SEC22C: variants seen among roughly 807,000 people sequenced by gnomAD.
The protein encoded by SEC22C is SEC22 homolog C, vesicle trafficking protein, also known as vesicle-trafficking protein SEC22c.
A neutral mutation model predicts 34.7 loss-of-function variants in SEC22C; 29 were observed. The observed-to-expected ratio is 0.84, with a 90% confidence interval of 0.62 to 1.14. The LOEUF (loss-of-function observed/expected upper bound fraction) is 1.14. Among genes scored for constraint, SEC22C ranks in the 50% most tolerant of loss-of-function variants. SEC22C has a pLI of 0.00. For missense variants in SEC22C, 337 were observed against 369.0 expected, an observed-to-expected ratio of 0.91 and a Z score of 0.71; for synonymous variants, 117 against 132.8, an observed-to-expected ratio of 0.88 and a Z score of 0.82.
In SEC22C at chr3:42,553,160, A is replaced by G. The variant is rs1702327993; in HGVS notation, c.*88T>C. On this transcript the variant is annotated 3_prime_UTR_variant, in exon 7 of 7. Transcript: ENST00000264454. ...GTCCAGTTGGCTGAAAAGGATGGAA[A>G]CTGGAGTGTAAAGTAGAGAAGCAGA... 1.3e-6 allele frequency: 2 copies of G among 1,543,274 alleles called. No individual in the cohort carries two copies. The highest frequency in any genetic ancestry group is 1.7e-6 in the Non-Finnish European group (2 of 1,151,646).
chr3:42,573,610 G>C (rs906052268), intron 1 of SEC22C: 1 of 152,210 alleles, frequency 6.6e-6, no homozygotes, highest in Non-Finnish European at 1.5e-5. Context: ...AAGGCAAGAG[G>C]ATCACCTGAG....
chr3:42,592,800 T>C (rs1196508241), intron 1 of SEC22C, among the ~76,000 whole-genome samples: 1 of 151,894 alleles, frequency 6.6e-6, no homozygotes, highest in Admixed American at 6.6e-5. Flanking sequence ...CCTAGTGGGG[T>C]TTTTCAATTG....
At chr3:42,553,527 C>T (rs1229519832) in intron 6 of SEC22C, 79 bp from the exon 7 acceptor site, 4 of 1,535,178 alleles carry the variant, frequency 2.6e-6, no homozygotes, top group South Asian at 1.2e-5. Context: ...CCTCCCACAG[C>T]TTCCATGAAG....
rs766383438 is a variant in SEC22C, at chr3:42,551,858, T to C, written c.*1390A>G. 420 of 982,900 alleles carry C rather than the reference T, an allele frequency of 4.3e-4. No homozygotes were observed. The highest frequency in any genetic ancestry group is 4.9e-4 in the Non-Finnish European group (408 of 827,642). The allele number at this position is 982,900 out of a possible 1,614,324, so 60.9% of individuals were successfully genotyped here. A position where few individuals can be genotyped will look rare whatever the true frequency, so the allele number is the denominator to read the frequency against. ...ACATTCCCTATCCACTCAACTCTTGTAATGGTTTTCCACTTTTAAAAACTA... is the reference window on the plus strand; with the variant it reads ...ACATTCCCTATCCACTCAACTCTTGCAATGGTTTTCCACTTTTAAAAACTA... On this transcript the variant is annotated 3_prime_UTR_variant, in exon 7 of 7. Transcript: ENST00000264454.
At chr3:42,570,756 A>G (rs1703568993) in intron 1 of SEC22C, among the ~76,000 whole-genome samples, 1 of 152,196 alleles carries the variant, frequency 6.6e-6, no homozygotes, top group Non-Finnish European at 1.5e-5. Flanking sequence ...CTTTTGTTCT[A>G]TCTTCTATAC....
At chr3:42,590,558 C>G (rs1704783989) in intron 1 of SEC22C, among the ~76,000 whole-genome samples, 1 of 151,958 alleles carries the variant, frequency 6.6e-6, no homozygotes, top group South Asian at 2.1e-4. Flanking sequence ...TGCACTCCAG[C>G]CTGGGCGACA....
chr3:42,572,933 T>C (rs1234072734), intron 1 of SEC22C, among the ~76,000 whole-genome samples: 1 of 152,232 alleles, frequency 6.6e-6, no homozygotes, highest in African/African-American at 2.4e-5. Flanking sequence ...AGTGCAATCA[T>C]GGCTCACTGC....
At chr3:42,591,254 C>T (rs1227522012) in intron 1 of SEC22C, 1 of 566,892 alleles carries the variant, frequency 1.8e-6, no homozygotes, top group Non-Finnish European at 3.1e-6. Context: ...GGCTGGAGTG[C>T]AGTGGTGCAT....
rs990407583 is a variant in SEC22C, at chr3:42,549,302, G to A, written c.*3946C>T. On this transcript the variant is annotated 3_prime_UTR_variant, in exon 7 of 7. Coordinates refer to ENST00000264454, the MANE Select transcript of SEC22C (RefSeq NM_032970.4). ...TCCTCACTTGTGCTGCACTATGCAA[G>A]CAAGCAGCAGGTTCTCAGAAGGCCA... is the stretch of plus-strand genomic sequence containing the variant. The A allele has an allele frequency of 6.1e-6, 6 of 985,696 alleles. No individual in the cohort carries two copies. Among genetic ancestry groups the A allele is most frequent in the Admixed American group, 6.1e-5 (1 of 16,306 alleles). 61.1% of individuals were successfully genotyped at this position (985,696 alleles called of 1,614,324 possible).
In SEC22C at chr3:42,555,346, C is replaced by CAAA. The variant is rs34824398; in HGVS notation, c.711+581_711+583dup. 9.4e-4 allele frequency among the ~76,000 whole-genome samples: 127 copies of CAAA among 134,858 alleles called. 2 individuals carry two copies. The highest frequency in any genetic ancestry group is 2.2e-3 in the South Asian group (9 of 4,172). 88.5% of individuals were successfully genotyped at this position (134,858 alleles called of 152,430 possible). A position where few individuals can be genotyped will look rare whatever the true frequency, so the allele number is the denominator to read the frequency against. On this transcript the variant is annotated intron_variant, in intron 6 of 6. Coordinates refer to ENST00000264454, the MANE Select transcript of SEC22C (RefSeq NM_032970.4). ...TGGGCAACAGTGCAAGACTCCGTCTCAAAAAAAAAAAAGAAAAAAAAAGTT... is the reference window on the plus strand; with the variant it reads ...TGGGCAACAGTGCAAGACTCCGTCTCAAAAAAAAAAAAAAAGAAAAAAAAAGTT...
At position 42,553,450 on chromosome 3, in the gene SEC22C, T is replaced by C; in HGVS notation, c.712-2A>G. The C allele has an allele frequency of 6.2e-7, 1 of 1,612,912 alleles. No individual in the cohort carries two copies. The highest frequency in any genetic ancestry group is 8.5e-7 in the Non-Finnish European group (1 of 1,179,646). On this transcript the variant is annotated splice_acceptor_variant, in intron 6 of 6. Coordinates refer to ENST00000264454, the MANE Select transcript of SEC22C (RefSeq NM_032970.4). LOFTEE classifies it high-confidence loss of function. ...ACTGTAGAACAGGTACAAATAACAC[T>C]GAAATGAGACCAGAAGAGGAATTCC...
At chr3:42,570,224 C>G (rs1703532949) in intron 1 of SEC22C, among the ~76,000 whole-genome samples, 1 of 152,176 alleles carries the variant, frequency 6.6e-6, no homozygotes, top group Admixed American at 6.5e-5. Context: ...GCATTCTTCA[C>G]TTGTGTCTGC....
intron 4 of SEC22C, among the ~76,000 whole-genome samples, chr3:42,559,397 A>C (rs1702739728): frequency 6.6e-6 from 1 of 152,236 alleles, no homozygotes. Flanking sequence ...AAGTGTTTAA[A>C]AAACAAAACA....
At chr3:42,590,718 G>C in intron 1 of SEC22C, 1 of 684,772 alleles carries the variant, frequency 1.5e-6, no homozygotes, top group East Asian at 2.6e-5. Context: ...AACGCCCCCG[G>C]CGTTCTGGGG....
intron 1 of SEC22C, among the ~76,000 whole-genome samples, chr3:42,594,037 G>A (rs1704952529): frequency 6.8e-6 from 1 of 147,702 alleles, no homozygotes; most frequent in South Asian, 2.2e-4. Flanking sequence ...TAGGACACAA[G>A]AACAGCTCAC....
Position 42,549,863 on chromosome 3 carries a change from A to G in SEC22C, c.*3385T>C, listed in dbSNP as rs1485324754. On this transcript the variant is annotated 3_prime_UTR_variant, in exon 7 of 7. Transcript: ENST00000264454. ...TCCAGCATTCTCCAGAGTTCACAGAAAAGAGGGATGCAAGCCCAAAAAGCA... is the reference window on the plus strand; with the variant it reads ...TCCAGCATTCTCCAGAGTTCACAGAGAAGAGGGATGCAAGCCCAAAAAGCA... 4 of 985,316 alleles carry G rather than the reference A, an allele frequency of 4.1e-6. No individual in the cohort carries two copies. Among genetic ancestry groups the G allele is most frequent in the Non-Finnish European group, 4.8e-6 (4 of 829,944 alleles). The allele number at this position is 985,316 out of a possible 1,614,324, so 61.0% of individuals were successfully genotyped here. A position where few individuals can be genotyped will look rare whatever the true frequency, so the allele number is the denominator to read the frequency against.
intron 1 of SEC22C, among the ~76,000 whole-genome samples, chr3:42,571,363 A>G (rs1461468179): frequency 2.6e-5 from 4 of 152,202 alleles, no homozygotes; most frequent in Non-Finnish European, 5.9e-5. Context: ...AGTACTGCAA[A>G]CTAGTGAAAC....
In SEC22C at chr3:42,549,372, G is replaced by A; in HGVS notation, c.*3876C>T. On this transcript the variant is annotated 3_prime_UTR_variant, in exon 7 of 7. Coordinates refer to ENST00000264454, the MANE Select transcript of SEC22C (RefSeq NM_032970.4). ...GAGTGGCCAACTCCTTCACAGAACA[G>A]CAAATAGCAGCCCTGGCTACAAGGT... 1.0e-6 allele frequency: 1 copy of A among 985,622 alleles called. No individual in the cohort carries two copies. The highest frequency in any genetic ancestry group is 1.2e-6 in the Non-Finnish European group (1 of 830,070). The allele number at this position is 985,622 out of a possible 1,614,324, so 61.1% of individuals were successfully genotyped here. A position where few individuals can be genotyped will look rare whatever the true frequency, so the allele number is the denominator to read the frequency against.
In SEC22C at chr3:42,551,508, AT is replaced by A. The variant is rs1031816476; in HGVS notation, c.*1739del. On this transcript the variant is annotated 3_prime_UTR_variant, in exon 7 of 7. Transcript: ENST00000264454. ...AGGCATGTGCCATCACATCCGGCTA[AT>A]TTTTTTTTTTGTAGAGATGAATCTT... is the stretch of plus-strand genomic sequence containing the variant. The A allele has an allele frequency of 0.024, 9,718 of 399,828 alleles. No individual in the cohort carries two copies. The highest frequency in any genetic ancestry group is 0.03 in the Non-Finnish European group (8,844 of 297,620). The allele number at this position is 399,828 out of a possible 1,614,324, so 24.8% of individuals were successfully genotyped here.
Sources: gnomAD v4.1 joint callset for allele counts (sites outside exome capture counted in the v4.1 genomes callset) on GRCh38, gnomAD v4.1.1 for gene constraint, MANE v1.5 for transcripts, NCBI Gene and HGNC (gene_info 2026-07-23, HGNC 2026-07-21) for gene names.